The following PLCL1 variants were observed in gnomAD, a reference collection of about 807,000 sequenced individuals.
PLCL1 encodes the protein phospholipase C like 1 (inactive).
Under a neutral mutation model 84.4 loss-of-function variants are expected in PLCL1, and 41 were observed. The observed-to-expected ratio is 0.49, with a 90% CI of 0.38 to 0.63. PLCL1 has a LOEUF of 0.63. PLCL1 is among the 30% of genes least tolerant of loss of function. The probability of loss-of-function intolerance (pLI) is 0.00; values close to 1 mark genes in which losing one functional copy is unlikely to be tolerated. For synonymous variants in PLCL1, 490 were observed against 488.3 expected, an observed-to-expected ratio of 1.00 and a Z score of -0.05; for missense variants, 1,206 against 1,367.8, an observed-to-expected ratio of 0.88 and a Z score of 1.87.
intron 5 of PLCL1, among the ~76,000 whole-genome samples, chr2:198,106,695 G>A (rs1693482065): frequency 6.6e-6 from 1 of 151,870 alleles, no homozygotes; most frequent in Non-Finnish European, 1.5e-5. Flanking sequence ...AACTAATAAT[G>A]GCCATCAATT....
chr2:198,143,915 A>G (rs946244448), intron 5 of PLCL1, among the ~76,000 whole-genome samples: 7 of 150,048 alleles, frequency 4.7e-5, no homozygotes, highest in African/African-American at 9.8e-5. Context: ...TTTCTTGCCT[A>G]TATGGTACAG....
At chr2:197,902,243 T>C (rs1688282227) in intron 1 of PLCL1, among the ~76,000 whole-genome samples, 1 of 152,128 alleles carries the variant, frequency 6.6e-6, no homozygotes, top group African/African-American at 2.4e-5. Flanking sequence ...TCTGGGCTTG[T>C]TGCTCTTGTG....
chr2:198,022,268 T>G (rs1340932441), intron 1 of PLCL1, among the ~76,000 whole-genome samples: 1 of 151,008 alleles, frequency 6.6e-6, no homozygotes, highest in Non-Finnish European at 1.5e-5. Context: ...ACAAACCCAC[T>G]GATATCATAC....
At chr2:198,035,391 A>G (rs1212331031) in intron 1 of PLCL1, among the ~76,000 whole-genome samples, 1 of 152,256 alleles carries the variant, frequency 6.6e-6, no homozygotes, top group Non-Finnish European at 1.5e-5. Context: ...TCTAAATACT[A>G]TTCACCAACA....
intron 1 of PLCL1, among the ~76,000 whole-genome samples, chr2:197,934,467 G>A (rs1283712642): frequency 1.3e-5 from 2 of 152,098 alleles, no homozygotes; most frequent in Non-Finnish European, 2.9e-5. Context: ...CGCCTTTCTT[G>A]TAACCATAGC....
intron 3 of PLCL1, among the ~76,000 whole-genome samples, chr2:198,096,831 G>A (rs938719841): frequency 2.0e-5 from 3 of 152,130 alleles, no homozygotes; most frequent in African/African-American, 4.8e-5. Flanking sequence ...GTCTAATCAC[G>A]CTTGCAATGG....
Position 197,941,323 on chromosome 2 carries a change from G to A in PLCL1, c.240+135984G>A, listed in dbSNP as rs944277655. Reference sequence around the variant, plus strand: ...TTTTTTTTTTTTGAGACAGGGTCTCGCTGTGTTGCCCAGCCTGGAGTGCAG... The same window carrying A: ...TTTTTTTTTTTTGAGACAGGGTCTCACTGTGTTGCCCAGCCTGGAGTGCAG... On this transcript the variant is annotated intron_variant, in intron 1 of 5. Coordinates refer to ENST00000428675, the MANE Select transcript of PLCL1 (RefSeq NM_006226.4). Among the ~76,000 whole-genome samples the A allele has an allele frequency of 3.0e-4, 45 of 151,348 alleles. 1 individual carries two copies. Among genetic ancestry groups the A allele is most frequent in the Admixed American group, 2.7e-3 (41 of 15,216 alleles).
chr2:197,995,915 G>A (rs1297652859), intron 1 of PLCL1, among the ~76,000 whole-genome samples: 1 of 152,214 alleles, frequency 6.6e-6, no homozygotes, highest in African/African-American at 2.4e-5. Flanking sequence ...GAGTTGAAAG[G>A]TTAAATTGTC....
chr2:197,835,858 C>T (rs540665120), intron 1 of PLCL1, among the ~76,000 whole-genome samples: 2 of 151,860 alleles, frequency 1.3e-5, no homozygotes, highest in African/African-American at 4.8e-5. Context: ...TTTTTTCAGT[C>T]GGACAATTTT....
chr2:197,816,058 T>C (rs537361779), intron 1 of PLCL1, among the ~76,000 whole-genome samples: 2 of 152,286 alleles, frequency 1.3e-5, no homozygotes, highest in African/African-American at 4.8e-5. Flanking sequence ...TAGTTGTGAG[T>C]AAAATGCTAT....
At chr2:197,924,017 C>T (rs1042340810) in intron 1 of PLCL1, among the ~76,000 whole-genome samples, 2 of 150,840 alleles carry the variant, frequency 1.3e-5, no homozygotes, top group Non-Finnish European at 3.0e-5. Flanking sequence ...CGTGGCGGCG[C>T]GTGCCTGCAA....
intron 1 of PLCL1, among the ~76,000 whole-genome samples, chr2:197,949,472 A>C (rs1011263758): frequency 1.3e-5 from 2 of 152,194 alleles, no homozygotes; most frequent in African/African-American, 4.8e-5. Flanking sequence ...TGATCTTAAC[A>C]GCTGTCACTC....
At chr2:198,077,648 G>A (rs184954069) in intron 1 of PLCL1, among the ~76,000 whole-genome samples, 6 of 152,050 alleles carry the variant, frequency 3.9e-5, no homozygotes, top group East Asian at 3.9e-4. Flanking sequence ...ATCCCTTTAC[G>A]GGTATAACTT....
intron 1 of PLCL1, among the ~76,000 whole-genome samples, chr2:197,903,750 G>A (rs1311173863): frequency 7.4e-6 from 1 of 134,502 alleles, no homozygotes; most frequent in African/African-American, 2.8e-5. Flanking sequence ...TGATCTGCCC[G>A]CCTCAGCCTC....
rs140304476 is a variant in PLCL1, at chr2:198,128,524, G to A, written c.3106-18256G>A. Among the ~76,000 whole-genome samples, 29 of 152,148 alleles carry A rather than the reference G, an allele frequency of 1.9e-4. No individual in the cohort carries two copies. The East Asian group carries it at 5.4e-3, about 28-fold the overall frequency. On this transcript the variant is annotated intron_variant, in intron 5 of 5. Transcript: ENST00000428675. ...TCATGGGGCGTTACTGTCTTCTTGC[G>A]CTTAGTCCGTTCCTGGGTGGGCATC...
chr2:197,959,173 T>C (rs1193395949), intron 1 of PLCL1, among the ~76,000 whole-genome samples: 2 of 152,030 alleles, frequency 1.3e-5, no homozygotes, highest in Non-Finnish European at 2.9e-5. Context: ...TATATACAGA[T>C]ATAGAGAGAA....
intron 1 of PLCL1, among the ~76,000 whole-genome samples, chr2:197,994,449 A>G (rs1690414943): frequency 6.6e-6 from 1 of 152,180 alleles, no homozygotes; most frequent in Admixed American, 6.5e-5. Context: ...CATTTTTAAG[A>G]AAGTCATCTG....
chr2:197,959,113 A>G (rs1338685558), intron 1 of PLCL1, among the ~76,000 whole-genome samples: 1 of 152,056 alleles, frequency 6.6e-6, no homozygotes, highest in African/African-American at 2.4e-5. Flanking sequence ...CAGCCAAATC[A>G]CTTGTATTCG....
chr2:197,850,395 T>C (rs954916194), intron 1 of PLCL1, among the ~76,000 whole-genome samples: 1 of 152,198 alleles, frequency 6.6e-6, no homozygotes, highest in Non-Finnish European at 1.5e-5. Context: ...TTTGAGAAAG[T>C]GTGAATCCTG....
Sources: gnomAD v4.1 joint callset for allele counts (sites outside exome capture counted in the v4.1 genomes callset) on GRCh38, gnomAD v4.1.1 for gene constraint, MANE v1.5 for transcripts, NCBI Gene and HGNC (gene_info 2026-07-23, HGNC 2026-07-21) for gene names.